POLG2: variants seen among roughly 807,000 people sequenced by gnomAD.
POLG2 encodes the protein DNA polymerase gamma 2, accessory subunit.
Under a neutral mutation model 56.5 loss-of-function variants are expected in POLG2, and 50 were observed. The observed-to-expected ratio is 0.88, with a 90% CI of 0.71 to 1.12. POLG2 has a LOEUF of 1.12. POLG2 is among the 50% of genes most tolerant of loss of function. The pLI is 0.00. For missense variants in POLG2, 584 were observed against 583.3 expected (o/e 1.00, Z -0.01); for synonymous variants, 226 against 222.6 (o/e 1.02, Z -0.14).
At chr17:64,479,975 T>C (rs2037830333) in intron 7 of POLG2, among the ~76,000 whole-genome samples, 3 of 152,228 alleles carry the variant, frequency 2.0e-5, no homozygotes. Flanking sequence ...ATTCCACTCA[T>C]ATTCCTTCAG....
In POLG2 at chr17:64,496,791, G is replaced by C; in HGVS notation, c.178C>G (p.Pro60Ala). 1 of 1,613,870 alleles carries C rather than the reference G, an allele frequency of 6.2e-7. No homozygotes were observed. The highest frequency in any genetic ancestry group is 8.5e-7 in the Non-Finnish European group (1 of 1,180,016). The change falls in exon 1 of 8, where the codon CCC (proline) becomes GCC (alanine). Residue 60 changes from proline to alanine, a missense_variant. By Grantham distance (27) the Pro-to-Ala change is conservative (BLOSUM62 -1). Transcript: ENST00000539111. ...LEGNGEHPEA[P>A]GSGEGSEALL... The stretch of plus-strand genomic sequence containing the variant: ...GCCTCGCTTCCCTCTCCAGACCCGG[G>C]GGCTTCTGGGTGCTCGCCGTTCCCC...
chr17:64,478,962 G>A (rs573773094), intron 7 of POLG2, among the ~76,000 whole-genome samples: 2 of 152,136 alleles, frequency 1.3e-5, no homozygotes, highest in African/African-American at 2.4e-5. Flanking sequence ...AACATAGTAC[G>A]TGTTTAATAA....
At chr17:64,495,810 G>A (rs2038141277) in intron 1 of POLG2, among the ~76,000 whole-genome samples, 2 of 151,938 alleles carry the variant, frequency 1.3e-5, no homozygotes, top group South Asian at 4.1e-4. Flanking sequence ...CTGGGTTCAA[G>A]CGATTCTCCT....
chr17:64,483,439 G>A (rs1555666895), intron 5 of POLG2, among the ~76,000 whole-genome samples: 1 of 151,754 alleles, frequency 6.6e-6, no homozygotes, highest in Admixed American at 6.6e-5. Flanking sequence ...TGCTTGACCC[G>A]GGAGGTCAAG....
chr17:64,490,617 T>TA, intron 4 of POLG2, 179 bp downstream of exon 4: 1 of 622,130 alleles, frequency 1.6e-6, no homozygotes, highest in Non-Finnish European at 2.9e-6. Context: ...AATAGTGGAT[T>TA]ACTGTTAATT....
chr17:64,492,834 T>G (rs1555668784), intron 2 of POLG2, 61 bp downstream of exon 2: 2 of 1,603,680 alleles, frequency 1.2e-6, no homozygotes, highest in East Asian at 4.5e-5. Flanking sequence ...TTATCCCAAG[T>G]GGAAATGACT....
intron 5 of POLG2, 106 bp downstream of exon 5, chr17:64,485,622 A>T (rs1212090779): frequency 1.0e-6 from 1 of 954,746 alleles, no homozygotes; most frequent in Non-Finnish European, 1.7e-6. Context: ...ACATGCACTA[A>T]ATTTATTATT....
intron 4 of POLG2, among the ~76,000 whole-genome samples, chr17:64,488,978 T>C (rs1555668011): frequency 1.3e-5 from 2 of 151,610 alleles, no homozygotes; most frequent in African/African-American, 2.4e-5. Context: ...ATCTACTTTC[T>C]ACTCATTATA....
chr17:64,486,487 G>C (rs2037958255), intron 4 of POLG2, among the ~76,000 whole-genome samples: 1 of 151,752 alleles, frequency 6.6e-6, no homozygotes, highest in Non-Finnish European at 1.5e-5. Flanking sequence ...TCAGTCTCCT[G>C]AGTAGCTAGG....
intron 4 of POLG2, among the ~76,000 whole-genome samples, chr17:64,489,111 T>C (rs1555668058): frequency 6.6e-6 from 1 of 150,996 alleles, no homozygotes; most frequent in Non-Finnish European, 1.5e-5. Flanking sequence ...CTGATGATCC[T>C]GGAACAATAT....
intron 1 of POLG2, 111 bp from the exon 2 acceptor site, chr17:64,493,132 T>A (rs1185217770): frequency 1.4e-5 from 17 of 1,239,082 alleles, no homozygotes; most frequent in Middle Eastern, 2.0e-4. Flanking sequence ...TAAAGACAGA[T>A]GTTGGCTAAG....
rs781982990 is a variant in POLG2, at chr17:64,477,842, G to A, written c.1439C>T (p.Ser480Leu). 6.2e-7 allele frequency: 1 copy of A among 1,602,916 alleles called. No homozygotes were observed. Among genetic ancestry groups the A allele is most frequent in the Non-Finnish European group, 8.5e-7 (1 of 1,175,276 alleles). Residue 480 changes from serine to leucine, a missense_variant, in exon 8 of 8, where the codon TCA (serine) becomes TTA (leucine). Physicochemically the swap from Ser to Leu is moderately radical, Grantham distance 145. Transcript: ENST00000539111. ...KLKDFLIKYI[S>L]SAKNV ...AAAAATCTATACATTCTTAGCTGATGATATATACTTAATCAAAAAGTCTTT... is the reference window on the plus strand; with the variant it reads ...AAAAATCTATACATTCTTAGCTGATAATATATACTTAATCAAAAAGTCTTT...
At chr17:64,486,088 T>A (rs541153041) in intron 4 of POLG2, among the ~76,000 whole-genome samples, 1 of 152,220 alleles carries the variant, frequency 6.6e-6, no homozygotes, top group African/African-American at 2.4e-5. Flanking sequence ...AAGTAAAGTT[T>A]CATTTTACAA....
intron 1 of POLG2, among the ~76,000 whole-genome samples, chr17:64,493,688 G>A (rs112551002): frequency 0.19 from 28,279 of 151,826 alleles, 6,717 homozygotes; most frequent in African/African-American, 0.56. Flanking sequence ...GGGTTTCACC[G>A]TGTTAGCCAG....
chr17:64,487,679 CAA>C (rs2037982476), intron 4 of POLG2, among the ~76,000 whole-genome samples: 1 of 147,678 alleles, frequency 6.8e-6, no homozygotes, highest in Admixed American at 6.7e-5. Flanking sequence ...CGCTTTGAAT[CAA>C]ACAAAATCTA....
chr17:64,491,485 G>C, intron 3 of POLG2: 2 of 1,319,588 alleles, frequency 1.5e-6, no homozygotes, highest in Non-Finnish European at 2.1e-6. Context: ...AGTCCAGCCC[G>C]GGCAAAAGAG....
At chr17:64,485,670 G>A (rs781932798) in intron 5 of POLG2, 58 bp downstream of exon 5, 2 of 1,351,822 alleles carry the variant, frequency 1.5e-6, no homozygotes, top group Non-Finnish European at 2.1e-6. Context: ...CTAACATTAA[G>A]AACAAACAAA....
intron 4 of POLG2, among the ~76,000 whole-genome samples, chr17:64,488,900 G>A (rs9904103): frequency 0.064 from 9,691 of 151,938 alleles, 580 homozygotes; most frequent in African/African-American, 0.16. Flanking sequence ...CCTGGGAATC[G>A]CGACACTGCA....
chr17:64,486,549 G>A (rs7209315), intron 4 of POLG2, among the ~76,000 whole-genome samples: 42,265 of 151,762 alleles, frequency 0.28, 11,375 homozygotes, highest in African/African-American at 0.7. Context: ...TTTTTAGTAG[G>A]GACGGGGTTT....
Sources: allele counts gnomAD v4.1 joint callset (sites outside exome capture counted in the v4.1 genomes callset), GRCh38; gene constraint gnomAD v4.1.1; transcripts MANE v1.5; gene names NCBI Gene and HGNC (gene_info 2026-07-23, HGNC 2026-07-21).